CDH13: variants seen among roughly 807,000 people sequenced by gnomAD.
CDH13 encodes the protein cadherin 13, also known as cadherin-13.
In CDH13, 24 loss-of-function variants were observed where a neutral mutation model predicts 63.8. That is an observed-to-expected ratio of 0.38 (90% CI 0.27 to 0.53). The LOEUF is 0.53. Ranked by LOEUF, CDH13 falls within the 20% of genes least tolerant of loss-of-function variation. The pLI, the probability that CDH13 is intolerant of heterozygous loss-of-function variation, is 0.85. For synonymous variants in CDH13, 503 were observed against 355.3 expected, an observed-to-expected ratio of 1.42 and a Z score of -4.67; for missense variants, 1,049 against 903.1, an observed-to-expected ratio of 1.16 and a Z score of -2.07.
intron 6 of CDH13, among the ~76,000 whole-genome samples, chr16:83,357,430 G>T (rs1327176655): frequency 6.6e-6 from 1 of 152,122 alleles, no homozygotes; most frequent in East Asian, 1.9e-4. Context: ...ATTTTCACTA[G>T]CTTTGGAAAC....
chr16:83,465,936 G>A (rs2073303450), intron 6 of CDH13, among the ~76,000 whole-genome samples: 1 of 152,204 alleles, frequency 6.6e-6, no homozygotes, highest in African/African-American at 2.4e-5. Context: ...ACTGCAAGTT[G>A]AAAGTCACCC....
At chr16:83,171,504 ATAAT>A (rs1597460296) in intron 4 of CDH13, 11 of 1,530,640 alleles carry the variant, frequency 7.2e-6, no homozygotes, top group Middle Eastern at 1.7e-4. Context: ...CTGCCCATAA[ATAAT>A]CTTTGTTTTT....
At chr16:83,046,793 C>G (rs531721299) in intron 3 of CDH13, among the ~76,000 whole-genome samples, 2 of 152,238 alleles carry the variant, frequency 1.3e-5, no homozygotes, top group Admixed American at 1.3e-4. Flanking sequence ...GTTGCTCTGA[C>G]CCTGGTGCCA....
chr16:82,835,561 C>A (rs919828852), intron 1 of CDH13, among the ~76,000 whole-genome samples: 4 of 152,184 alleles, frequency 2.6e-5, no homozygotes, highest in Non-Finnish European at 4.4e-5. Context: ...TACCCTTGCT[C>A]AATCATTTCC....
At chr16:82,795,597 G>A (rs2036540863) in intron 1 of CDH13, among the ~76,000 whole-genome samples, 1 of 152,158 alleles carries the variant, frequency 6.6e-6, no homozygotes, top group Non-Finnish European at 1.5e-5. Flanking sequence ...ACAAAATGAA[G>A]GTTTAAGGAG....
chr16:82,915,731 A>G (rs1465809963), intron 2 of CDH13, among the ~76,000 whole-genome samples: 1 of 151,634 alleles, frequency 6.6e-6, no homozygotes, highest in Non-Finnish European at 1.5e-5. Context: ...CATGCTGGTA[A>G]TACAGCTCCT....
At chr16:83,209,178 A>G (rs4324115) in intron 4 of CDH13, among the ~76,000 whole-genome samples, 136,687 of 152,146 alleles carry the variant, frequency 0.9, 62,255 homozygotes, top group East Asian at 0.97. Flanking sequence ...CACCTGTAAA[A>G]GGCATGCAGT....
intron 2 of CDH13, among the ~76,000 whole-genome samples, chr16:82,982,451 C>T (rs765866144): frequency 5.3e-5 from 8 of 151,410 alleles, no homozygotes; most frequent in Non-Finnish European, 1.2e-4. Context: ...TCTAAAGTGT[C>T]GGCAGAGCCA....
intron 1 of CDH13, among the ~76,000 whole-genome samples, chr16:82,698,687 C>A (rs1396708604): frequency 6.6e-6 from 1 of 152,150 alleles, no homozygotes; most frequent in East Asian, 1.9e-4. Context: ...TGGCTGAGCC[C>A]ATTGTCAAAG....
At chr16:83,567,951 A>C (rs1260718707) in intron 7 of CDH13, among the ~76,000 whole-genome samples, 10 of 152,134 alleles carry the variant, frequency 6.6e-5, no homozygotes, top group Admixed American at 6.6e-4. Context: ...CCAAAGCCCC[A>C]ATTCATCGCA....
chr16:83,791,685 C>T (rs1286806761), intron 13 of CDH13, among the ~76,000 whole-genome samples: 1 of 151,578 alleles, frequency 6.6e-6, no homozygotes, highest in Non-Finnish European at 1.5e-5. Flanking sequence ...GTGGCACACG[C>T]CTATAATCCC....
intron 1 of CDH13, among the ~76,000 whole-genome samples, chr16:82,671,724 A>T (rs766576449): frequency 6.6e-6 from 1 of 152,292 alleles, no homozygotes; most frequent in South Asian, 2.1e-4. Context: ...CTAGAACTCA[A>T]TTTATCAGAT....
chr16:83,789,383 G>A (rs1197378456), intron 13 of CDH13, among the ~76,000 whole-genome samples: 1 of 131,208 alleles, frequency 7.6e-6, no homozygotes, highest in African/African-American at 3.0e-5. Flanking sequence ...GTCTTGCTCT[G>A]TCACCCAGGC....
chr16:83,448,950 G>C (rs1362193693), intron 6 of CDH13, among the ~76,000 whole-genome samples: 1 of 152,176 alleles, frequency 6.6e-6, no homozygotes, highest in African/African-American at 2.4e-5. Flanking sequence ...TATGGAGACA[G>C]ATTACAGAAA....
At chr16:82,939,850 G>C (rs1237036021) in intron 2 of CDH13, among the ~76,000 whole-genome samples, 1 of 152,074 alleles carries the variant, frequency 6.6e-6, no homozygotes, top group African/African-American at 2.4e-5. Flanking sequence ...TTCCACTATA[G>C]GTATATTCGC....
chr16:83,121,495 T>C lies in CDH13; in HGVS notation c.367-3890T>C, dbSNP rs1005822282. Reference sequence around the variant, plus strand: ...AGCACATTGGCCAGCATACGCTTGCTGTATCATTATTATAGTAGTTTAGAG... The same window carrying C: ...AGCACATTGGCCAGCATACGCTTGCCGTATCATTATTATAGTAGTTTAGAG... On this transcript the variant is annotated intron_variant, in intron 3 of 13. Transcript: ENST00000567109. 4.6e-5 allele frequency among the ~76,000 whole-genome samples: 7 copies of C among 152,346 alleles called. No individual in the cohort carries two copies. In the East Asian group the frequency reaches 7.7e-4, roughly 17 times the overall value.
In CDH13 at chr16:83,236,237, G is replaced by GCACACACACACA. The variant is rs3049880; in HGVS notation, c.636+18755_636+18766dup. On this transcript the variant is annotated intron_variant, in intron 5 of 13. Transcript: ENST00000567109. ...AGCCCCCTGCAACACACACGCACAT[G>GCACACACACACA]CACACACACACACACACACACACAC... 3.4e-3 allele frequency among the ~76,000 whole-genome samples: 514 copies of GCACACACACACA among 149,002 alleles called. 3 individuals carry two copies. The highest frequency in any genetic ancestry group is 0.028 in the East Asian group (138 of 4,984).
At chr16:82,879,508 T>C (rs1035982750) in intron 2 of CDH13, among the ~76,000 whole-genome samples, 2 of 144,406 alleles carry the variant, frequency 1.4e-5, no homozygotes, top group Non-Finnish European at 3.0e-5. Context: ...ATATTTAATA[T>C]ATATTTATAG....
intron 6 of CDH13, among the ~76,000 whole-genome samples, chr16:83,480,863 G>A (rs1337310063): frequency 6.6e-6 from 1 of 152,158 alleles, no homozygotes; most frequent in East Asian, 1.9e-4. Context: ...ATTTAAAATA[G>A]CAGCTTCTAC....
Sources: allele counts gnomAD v4.1 joint callset (sites outside exome capture counted in the v4.1 genomes callset), GRCh38; gene constraint gnomAD v4.1.1; transcripts MANE v1.5; gene names NCBI Gene and HGNC (gene_info 2026-07-23, HGNC 2026-07-21).